TMEM150C: variants seen among roughly 807,000 people sequenced by gnomAD.
TMEM150C encodes transmembrane protein 150C, also known as tentonin 3.
Under a neutral mutation model 29.9 loss-of-function variants are expected in TMEM150C, and 10 were observed. That is an observed-to-expected ratio of 0.33 (90% confidence interval 0.21 to 0.57). The LOEUF is 0.57. Ranked by LOEUF, TMEM150C falls within the 20% of genes least tolerant of loss-of-function variation. TMEM150C has a pLI of 0.88. For synonymous variants in TMEM150C, 101 were observed against 112.5 expected (o/e 0.90, Z 0.64); for missense variants, 251 against 303.6 (o/e 0.83, Z 1.29).
chr4:82,554,462 T>A (rs1725674530), intron 1 of TMEM150C, among the ~76,000 whole-genome samples: 3 of 152,240 alleles, frequency 2.0e-5, no homozygotes, highest in Admixed American at 2.0e-4. Context: ...AAGACTATTT[T>A]ATCAACCAGC....
chr4:82,485,278 G>A lies in TMEM150C; in HGVS notation c.*233C>T, dbSNP rs1322155414. 2 of 504,586 alleles carry A rather than the reference G, an allele frequency of 4.0e-6. No homozygotes were observed. The highest frequency in any genetic ancestry group is 7.2e-6 in the Non-Finnish European group (2 of 278,068). The allele number at this position is 504,586 out of a possible 1,614,324, so 31.3% of individuals were successfully genotyped here. On this transcript the variant is annotated 3_prime_UTR_variant, in exon 8 of 8. Transcript: ENST00000449862. ...AGAAGTGATCATGCACAAGCTTCTT[G>A]CTCTGTCGTGCATATATTTTCAGTG...
chr4:82,523,290 A>G (rs1000044853), intron 1 of TMEM150C, among the ~76,000 whole-genome samples: 3 of 152,188 alleles, frequency 2.0e-5, no homozygotes, highest in African/African-American at 4.8e-5. Flanking sequence ...GATACCAGTC[A>G]GGTGTATATA....
chr4:82,501,377 G>A (rs970399571), intron 5 of TMEM150C, among the ~76,000 whole-genome samples: 1 of 152,164 alleles, frequency 6.6e-6, no homozygotes, highest in South Asian at 2.1e-4. Flanking sequence ...GGGGCATAAA[G>A]AGGAGAGCTT....
At chr4:82,555,474 T>G (rs1725708168) in intron 1 of TMEM150C, among the ~76,000 whole-genome samples, 1 of 152,178 alleles carries the variant, frequency 6.6e-6, no homozygotes, top group Non-Finnish European at 1.5e-5. Context: ...TTCAAGGGCG[T>G]TAACCTTCAG....
In TMEM150C at chr4:82,490,121, G is replaced by A. The variant is rs544716993; in HGVS notation, c.481C>T (p.Arg161Trp). 41 of 1,613,978 alleles carry A rather than the reference G, an allele frequency of 2.5e-5. No homozygotes were observed. Among genetic ancestry groups the A allele is most frequent in the Middle Eastern group, 3.3e-4 (2 of 6,060 alleles). The change falls in exon 7 of 8, where the codon CGG becomes TGG. Residue 161 changes from arginine to tryptophan, a missense_variant. Arg to Trp is a moderately radical substitution (Grantham distance 101, BLOSUM62 -3). Transcript: ENST00000449862. ...ATAACCCGTGGAATTCCAACTCTCC[G>A]TCCTTCATTCTTGATGTTGACCTTG... ...TLKVNIKNEGRRVGIPRVILS... is the reference protein window; with the variant it reads ...TLKVNIKNEGWRVGIPRVILS...
At chr4:82,526,327 C>A (rs554189535) in intron 1 of TMEM150C, among the ~76,000 whole-genome samples, 1 of 152,328 alleles carries the variant, frequency 6.6e-6, no homozygotes, top group East Asian at 1.9e-4. Context: ...TTTCTTCTGG[C>A]AGTCAGTGCT....
intron 7 of TMEM150C, 120 bp from the exon 8 acceptor site, chr4:82,485,839 C>A: frequency 1.2e-6 from 1 of 821,774 alleles, no homozygotes; most frequent in Non-Finnish European, 1.9e-6. Flanking sequence ...AAACTGGTAG[C>A]CTGCTAGAGC....
At chr4:82,552,335 G>A (rs1339566648) in intron 1 of TMEM150C, among the ~76,000 whole-genome samples, 1 of 152,198 alleles carries the variant, frequency 6.6e-6, no homozygotes, top group Admixed American at 6.5e-5. Flanking sequence ...TGTGTGAGTT[G>A]GAAGATCCTG....
At chr4:82,490,981 A>T in intron 6 of TMEM150C, 1 of 738,074 alleles carries the variant, frequency 1.4e-6, no homozygotes, top group Non-Finnish European at 2.5e-6. Context: ...CGCTTAGCCA[A>T]AGCTCCTTTG....
chr4:82,561,738 AG>A (rs1368601605), intron 1 of TMEM150C, among the ~76,000 whole-genome samples, 167 bp downstream of exon 1: 2 of 146,644 alleles, frequency 1.4e-5, no homozygotes, highest in Non-Finnish European at 3.0e-5. Flanking sequence ...ACGCTATGGG[AG>A]GGGGCCGCAG....
intron 7 of TMEM150C, among the ~76,000 whole-genome samples, chr4:82,488,722 TCCCCG>T (rs2110061454): frequency 6.6e-6 from 1 of 152,208 alleles, no homozygotes; most frequent in African/African-American, 2.4e-5. Context: ...CAAGTGATCC[TCCCCG>T]CAAGCCTCCC....
chr4:82,500,565 G>A (rs1431767495), intron 5 of TMEM150C, among the ~76,000 whole-genome samples: 3 of 152,192 alleles, frequency 2.0e-5, no homozygotes, highest in African/African-American at 4.8e-5. Context: ...GCTAGCAAAA[G>A]CTTAATTGCT....
At chr4:82,545,327 C>T (rs569033785) in intron 1 of TMEM150C, among the ~76,000 whole-genome samples, 54 of 152,262 alleles carry the variant, frequency 3.5e-4, no homozygotes, top group African/African-American at 1.1e-3. Flanking sequence ...GTGGTAAAAG[C>T]TTTCAATACA....
intron 1 of TMEM150C, among the ~76,000 whole-genome samples, chr4:82,531,347 C>T (rs1724839480): frequency 6.6e-6 from 1 of 152,074 alleles, no homozygotes; most frequent in Non-Finnish European, 1.5e-5. Context: ...GGTGCTGATT[C>T]AAGTCAAGGT....
At chr4:82,539,699 G>A (rs1362655406) in intron 1 of TMEM150C, among the ~76,000 whole-genome samples, 3 of 152,074 alleles carry the variant, frequency 2.0e-5, no homozygotes, top group Non-Finnish European at 4.4e-5. Context: ...TGATCTGCCC[G>A]CTTCTGCCTC....
chr4:82,532,930 G>A (rs1359802469), intron 1 of TMEM150C, among the ~76,000 whole-genome samples: 2 of 151,980 alleles, frequency 1.3e-5, no homozygotes, highest in African/African-American at 2.4e-5. Context: ...GGGTTTCACT[G>A]TGTTAGCCAG....
At chr4:82,562,018 C>T, upstream of TMEM150C, 1 of 1,153,686 alleles carries the variant, frequency 8.7e-7, no homozygotes, top group Non-Finnish European at 1.1e-6. Flanking sequence ...GGGGTGGGAT[C>T]TGCTCACCCG....
intron 1 of TMEM150C, among the ~76,000 whole-genome samples, chr4:82,531,000 A>G (rs1361704370): frequency 6.6e-6 from 1 of 152,122 alleles, no homozygotes; most frequent in Non-Finnish European, 1.5e-5. Flanking sequence ...CCATCATCCA[A>G]TCACCTCCCA....
At chr4:82,513,772 C>A (rs1373658535) in intron 1 of TMEM150C, among the ~76,000 whole-genome samples, 2 of 152,132 alleles carry the variant, frequency 1.3e-5, no homozygotes, top group African/African-American at 4.8e-5. Flanking sequence ...CCTTCCCTCC[C>A]AACTCTACTG....
Sources: gnomAD v4.1 joint callset for allele counts (sites outside exome capture counted in the v4.1 genomes callset) on GRCh38, gnomAD v4.1.1 for gene constraint, MANE v1.5 for transcripts, NCBI Gene and HGNC (gene_info 2026-07-23, HGNC 2026-07-21) for gene names.